EXOC4: variants seen among roughly 807,000 people sequenced by gnomAD.
The protein encoded by EXOC4 is SEC8-like 1.
Under a neutral mutation model 107.2 loss-of-function variants are expected in EXOC4, and 71 were observed. That is an observed-to-expected ratio of 0.66 (90% confidence interval 0.55 to 0.81). The LOEUF is 0.81. Among genes scored for constraint, EXOC4 ranks in the 30% least tolerant of loss-of-function variants. The pLI, the probability that EXOC4 is intolerant of heterozygous loss-of-function variation, is 0.00. For missense variants in EXOC4, 1,108 were observed against 1,189.6 expected (o/e 0.93, Z 1.01); for synonymous variants, 456 against 441.2 (o/e 1.03, Z -0.42).
At chr7:133,732,125 G>A (rs1036242048) in intron 10 of EXOC4, among the ~76,000 whole-genome samples, 2 of 152,148 alleles carry the variant, frequency 1.3e-5, no homozygotes, top group African/African-American at 4.8e-5. Context: ...AAAGGAACAA[G>A]ATCCTGTCCT....
chr7:133,755,544 A>T (rs1257203967), intron 10 of EXOC4, among the ~76,000 whole-genome samples: 2 of 150,938 alleles, frequency 1.3e-5, no homozygotes, highest in Non-Finnish European at 2.9e-5. Context: ...GGGTTTCACC[A>T]TGTTGGCCAG....
At position 133,721,633 on chromosome 7, in the gene EXOC4, C is replaced by T. The variant is rs146585459; in HGVS notation, c.1514+91492C>T. Reference sequence around the variant, plus strand: ...AGCACCAGTTCTTTTTCATGACTTCCTAATAAATCAGGCGTCTCTTTTCAT... The same window carrying T: ...AGCACCAGTTCTTTTTCATGACTTCTTAATAAATCAGGCGTCTCTTTTCAT... On this transcript the variant is annotated intron_variant, in intron 10 of 17. Coordinates refer to ENST00000253861, the MANE Select transcript of EXOC4 (RefSeq NM_021807.4). Among the ~76,000 whole-genome samples, 150 of 152,226 alleles carry T rather than the reference C, an allele frequency of 9.9e-4. 2 individuals carry two copies. The highest frequency in any genetic ancestry group is 3.5e-3 in the African/African-American group (146 of 41,546).
chr7:134,091,451 G>A, the EXOC4 span, among the ~76,000 whole-genome samples: 1 of 152,176 alleles, frequency 6.6e-6, no homozygotes, highest in Non-Finnish European at 1.5e-5. Context: ...GTTTTAGTCG[G>A]CTTCTTTACT....
chr7:133,306,967 A>G (rs948358984), intron 4 of EXOC4, among the ~76,000 whole-genome samples: 10 of 152,142 alleles, frequency 6.6e-5, no homozygotes, highest in African/African-American at 2.2e-4. Flanking sequence ...AATTTTTAAC[A>G]TATGTTAGAT....
In EXOC4 at chr7:133,459,321, T is replaced by C. The variant is rs574473824; in HGVS notation, c.1183-16007T>C. Among the ~76,000 whole-genome samples the C allele has an allele frequency of 1.3e-5, 2 of 152,222 alleles. 1 individual carries two copies. Among genetic ancestry groups the C allele is most frequent in the South Asian group, 4.1e-4 (2 of 4,832 alleles). On this transcript the variant is annotated intron_variant, in intron 7 of 17. Transcript: ENST00000253861. Reference sequence around the variant, plus strand: ...AGGCACAGTTCCTCATCCCATTGGATGTTCTCTAGTTATGTTTACAAATGC... The same window carrying C: ...AGGCACAGTTCCTCATCCCATTGGACGTTCTCTAGTTATGTTTACAAATGC...
chr7:133,809,257 T>A (rs1797157631), intron 10 of EXOC4, among the ~76,000 whole-genome samples: 1 of 152,238 alleles, frequency 6.6e-6, no homozygotes, highest in African/African-American at 2.4e-5. Context: ...TCACCGTTTA[T>A]TGCCAATTAA....
intron 11 of EXOC4, among the ~76,000 whole-genome samples, chr7:133,858,621 G>A (rs961278946): frequency 6.6e-6 from 1 of 152,066 alleles, no homozygotes; most frequent in Non-Finnish European, 1.5e-5. Context: ...AATAACCTAC[G>A]ACTAAACAGA....
chr7:133,311,749 T>C (rs1302843832), intron 4 of EXOC4, among the ~76,000 whole-genome samples: 3 of 152,218 alleles, frequency 2.0e-5, no homozygotes, highest in Admixed American at 6.5e-5. Context: ...ATATAACGCT[T>C]TAATATCTAA....
intron 17 of EXOC4, among the ~76,000 whole-genome samples, chr7:134,043,823 G>A (rs1346304465): frequency 6.6e-6 from 1 of 152,158 alleles, no homozygotes; most frequent in Non-Finnish European, 1.5e-5. Flanking sequence ...CAGGAGATTG[G>A]CCAGGGCAGT....
chr7:133,623,988 T>A (rs1802393433), intron 9 of EXOC4, among the ~76,000 whole-genome samples: 1 of 152,194 alleles, frequency 6.6e-6, no homozygotes, highest in Non-Finnish European at 1.5e-5. Flanking sequence ...CAGCTGGCTC[T>A]TAGAGCCAAT....
At chr7:134,085,574 C>T in the EXOC4 span, among the ~76,000 whole-genome samples, 1 of 152,138 alleles carries the variant, frequency 6.6e-6, no homozygotes, top group Non-Finnish European at 1.5e-5. Context: ...GGAGGTATAA[C>T]CTGGATTTAG....
chr7:133,467,226 C>CTT (rs11422455), intron 7 of EXOC4, among the ~76,000 whole-genome samples: 23,293 of 143,840 alleles, frequency 0.16, 2,228 homozygotes, highest in Non-Finnish European at 0.21. Flanking sequence ...TTTATTTCTC[C>CTT]TTTTTTTTTT....
downstream of EXOC4, among the ~76,000 whole-genome samples, chr7:134,068,629 T>C (rs369825267): frequency 6.6e-6 from 1 of 152,198 alleles, no homozygotes. Context: ...ATTACTTCTA[T>C]TACATTACTA....
intron 5 of EXOC4, among the ~76,000 whole-genome samples, chr7:133,349,718 T>C (rs1210276847): frequency 6.6e-6 from 1 of 152,184 alleles, no homozygotes; most frequent in African/African-American, 2.4e-5. Flanking sequence ...AGTAATTTCA[T>C]TTTTAATTTT....
At chr7:133,513,373 T>C (rs1584969591) in intron 9 of EXOC4, among the ~76,000 whole-genome samples, 1 of 152,110 alleles carries the variant, frequency 6.6e-6, no homozygotes, top group African/African-American at 2.4e-5. Context: ...CGGCTTGATA[T>C]TATTTTTATC....
intron 14 of EXOC4, among the ~76,000 whole-genome samples, chr7:133,955,477 CT>C (rs1289326720): frequency 1.3e-5 from 2 of 152,180 alleles, no homozygotes; most frequent in Non-Finnish European, 2.9e-5. Flanking sequence ...GAGTCTGGGG[CT>C]TTTCTGGGCT....
chr7:133,358,184 TCAAACAAA>T (rs373249984), intron 6 of EXOC4, among the ~76,000 whole-genome samples: 17 of 151,980 alleles, frequency 1.1e-4, no homozygotes, highest in Admixed American at 3.3e-4. Flanking sequence ...AAACTTCATC[TCAAACAAA>T]CAAACAAACA....
chr7:133,288,695 A>G (rs925597107), intron 2 of EXOC4, among the ~76,000 whole-genome samples: 31 of 152,162 alleles, frequency 2.0e-4, no homozygotes, highest in Non-Finnish European at 2.9e-4. Context: ...GGTTGGGAGT[A>G]GTTTTCTCAT....
At chr7:133,300,505 G>A (rs914800509) in intron 3 of EXOC4, among the ~76,000 whole-genome samples, 4 of 151,962 alleles carry the variant, frequency 2.6e-5, no homozygotes, top group African/African-American at 7.3e-5. Flanking sequence ...TTATTCCCCC[G>A]ACCACCATTT....
Sources: allele counts gnomAD v4.1 joint callset (sites outside exome capture counted in the v4.1 genomes callset), GRCh38; gene constraint gnomAD v4.1.1; transcripts MANE v1.5; gene names NCBI Gene and HGNC (gene_info 2026-07-23, HGNC 2026-07-21).